The following COL6A5 variants were observed in gnomAD, a reference collection of about 807,000 sequenced individuals.
The protein encoded by COL6A5 is collagen alpha-5(VI) chain.
COL6A5 carries 48 observed loss-of-function variants against 65.6 expected under a neutral mutation model. The observed-to-expected ratio is 0.73, with a 90% confidence interval of 0.58 to 0.93. COL6A5 has a LOEUF of 0.93. Among genes scored for constraint, COL6A5 ranks in the 40% least tolerant of loss-of-function variants. The pLI is 0.00. For missense variants in COL6A5, 914 were observed against 928.3 expected, an observed-to-expected ratio of 0.98 and a Z score of 0.20; for synonymous variants, 291 against 322.8, an observed-to-expected ratio of 0.90 and a Z score of 1.05.
intron 7 of COL6A5, 112 bp from the exon 40 acceptor site, chr3:130,471,570 T>C: frequency 1.0e-6 from 1 of 998,038 alleles, no homozygotes; most frequent in Non-Finnish European, 1.4e-6. Context: ...CTTGGACTAT[T>C]CCAATCACAT....
chr3:130,409,350 C>G (rs1263088427), exon 18 of COL6A5: 1 of 1,546,688 alleles, frequency 6.5e-7, no homozygotes. Flanking sequence ...CAGAGGTGCC[C>G]CTGGGCAGTA....
intron 1 of COL6A5, among the ~76,000 whole-genome samples, chr3:130,357,169 GA>G (rs1180891738): frequency 6.6e-6 from 1 of 151,534 alleles, no homozygotes; most frequent in Non-Finnish European, 1.5e-5. Context: ...CTAGAGAGTA[GA>G]AAAAAAGGGG....
chr3:130,379,708 C>A (rs1194800294), exon 4 of COL6A5: 3 of 1,551,320 alleles, frequency 1.9e-6, no homozygotes, highest in East Asian at 2.4e-5. Flanking sequence ...TGCCATTGAT[C>A]AGATGAGAAG....
intron 1 of COL6A5, among the ~76,000 whole-genome samples, chr3:130,370,227 C>A (rs568737711): frequency 6.6e-6 from 1 of 152,206 alleles, no homozygotes; most frequent in East Asian, 1.9e-4. Flanking sequence ...TCTGTATATT[C>A]TAAATATTTT....
intron 4 of COL6A5, among the ~76,000 whole-genome samples, chr3:130,384,171 G>A (rs970515318): frequency 3.3e-5 from 5 of 151,908 alleles, no homozygotes; most frequent in Admixed American, 2.6e-4. Context: ...AAGAGAGGAG[G>A]GCACATGCAA....
chr3:130,484,258 T>C (rs992844321), exon 8 of COL6A5: 3 of 538,272 alleles, frequency 5.6e-6, no homozygotes, highest in Non-Finnish European at 9.7e-6. Context: ...TAAGAAGACC[T>C]GACAAACCAG....
intron 1 of COL6A5, among the ~76,000 whole-genome samples, chr3:130,434,666 T>C (rs1474749297): frequency 2.0e-5 from 3 of 152,222 alleles, no homozygotes; most frequent in African/African-American, 7.2e-5. Context: ...GTGGTTTTGA[T>C]TTGCATTTCT....
chr3:130,396,823 T>G (rs1936617362), intron 8 of COL6A5, among the ~76,000 whole-genome samples: 1 of 152,242 alleles, frequency 6.6e-6, no homozygotes, highest in African/African-American at 2.4e-5. Flanking sequence ...CCTCTAAAAC[T>G]TAAATAATCT....
intron 12 of COL6A5, among the ~76,000 whole-genome samples, chr3:130,402,268 C>A (rs1297608929): frequency 6.6e-6 from 1 of 152,050 alleles, no homozygotes; most frequent in Non-Finnish European, 1.5e-5. Context: ...GACCCCATCT[C>A]CTTAAAAATA....
In COL6A5 at chr3:130,476,926, G is replaced by A. The variant is rs1050455208; in HGVS notation, c.2328+5959G>A. On this transcript the variant is annotated intron_variant, in intron 7 of 7. Transcript: ENST00000512836. Reference sequence around the variant, plus strand: ...GGGTTAGTTATATTTGGCCAGCCCTGCTCCCTGAAGCCAATCTGAGTCTCT... The same window carrying A: ...GGGTTAGTTATATTTGGCCAGCCCTACTCCCTGAAGCCAATCTGAGTCTCT... 8 of 705,784 alleles carry A rather than the reference G, an allele frequency of 1.1e-5. No homozygotes were observed. The African/African-American group carries it at 1.4e-4, about 12-fold the overall frequency. The allele number at this position is 705,784 out of a possible 1,614,324, so 43.7% of individuals were successfully genotyped here. A position where few individuals can be genotyped will look rare whatever the true frequency, so the allele number is the denominator to read the frequency against.
At chr3:130,384,808 T>C (rs1208236850) in exon 5 of COL6A5, 1 of 1,540,772 alleles carries the variant, frequency 6.5e-7, no homozygotes, top group East Asian at 2.4e-5. Context: ...TTTCAGGCTG[T>C]GTGGATACAA....
At chr3:130,481,752 A>G (rs1424782940) in intron 7 of COL6A5, among the ~76,000 whole-genome samples, 1 of 152,154 alleles carries the variant, frequency 6.6e-6, no homozygotes, top group Non-Finnish European at 1.5e-5. Flanking sequence ...CTGGCGTGAG[A>G]TAGTATCTCA....
rs1934459584 is a variant in COL6A5 at position 130,345,987 on chromosome 3, T to G, written c.-29+6T>G. 2 of 398,478 alleles carry G rather than the reference T, an allele frequency of 5.0e-6. No homozygotes were observed. The highest frequency in any genetic ancestry group is 4.4e-5 in the Admixed American group (1 of 22,714). 24.7% of individuals were successfully genotyped at this position (398,478 alleles called of 1,614,324 possible). ...CCTGACCCCGGGAAAGCTGGGTAAG[T>G]ATGCGGTGCGGGGACTTGGGGCCTG... is the stretch of plus-strand genomic sequence containing the variant. On this transcript the variant is annotated splice_donor_region_variant and intron_variant and NMD_transcript_variant, in intron 1 of 41. Transcript: ENST00000312481.
At chr3:130,379,488 G>A in exon 4 of COL6A5, 1 of 1,551,256 alleles carries the variant, frequency 6.4e-7, no homozygotes. Context: ...AGTCACTTGG[G>A]ACCGGAGGAA....
chr3:130,428,506 A>G (rs538928551), upstream of COL6A5, among the ~76,000 whole-genome samples: 14 of 152,348 alleles, frequency 9.2e-5, no homozygotes, highest in African/African-American at 3.4e-4. Flanking sequence ...GAGACACATA[A>G]GTAAAGATTT....
intron 14 of COL6A5, 99 bp downstream of exon 14, chr3:130,405,758 C>CCT: frequency 9.5e-7 from 1 of 1,047,682 alleles, no homozygotes; most frequent in East Asian, 2.6e-5. Flanking sequence ...TTCCATCACT[C>CCT]CTCTCTCTTT....
intron 7 of COL6A5, among the ~76,000 whole-genome samples, chr3:130,483,418 G>A (rs949899639): frequency 1.3e-5 from 2 of 152,122 alleles, no homozygotes; most frequent in Non-Finnish European, 2.9e-5. Context: ...CCAATTAAAA[G>A]ACACAGACTG....
exon 4 of COL6A5, chr3:130,379,567 C>T (rs1050100877): frequency 8.4e-6 from 13 of 1,551,358 alleles, no homozygotes; most frequent in African/African-American, 2.7e-5. Context: ...AAATTGCATG[C>T]GACTTGGACT....
chr3:130,364,515 G>A (rs749699100), intron 1 of COL6A5, among the ~76,000 whole-genome samples: 15 of 152,178 alleles, frequency 9.9e-5, no homozygotes, highest in Non-Finnish European at 2.2e-4. Flanking sequence ...TTAAAAAATG[G>A]TGATGGTGAT....
Sources: allele counts gnomAD v4.1 joint callset (sites outside exome capture counted in the v4.1 genomes callset), GRCh38; gene constraint gnomAD v4.1.1; transcripts MANE v1.5; gene names NCBI Gene and HGNC (gene_info 2026-07-23, HGNC 2026-07-21).